The following PLD5 variants were observed in gnomAD, a reference collection of about 807,000 sequenced individuals.
PLD5 encodes the protein phospholipase D family member 5.
Under a neutral mutation model 61.1 loss-of-function variants are expected in PLD5, and 36 were observed. The ratio of observed to expected loss-of-function variants is 0.59; its 90% CI spans 0.45 to 0.78. The LOEUF (loss-of-function observed/expected upper bound fraction) is 0.78. Among genes scored for constraint, PLD5 ranks in the 30% least tolerant of loss-of-function variants. The pLI is 0.00. For missense variants in PLD5, 515 were observed against 644.4 expected (o/e 0.80, Z 2.17); for synonymous variants, 243 against 242.8 (o/e 1.00, Z -0.01).
chr1:242,399,865 G>T (rs911572101), intron 1 of PLD5, among the ~76,000 whole-genome samples: 2 of 151,806 alleles, frequency 1.3e-5, no homozygotes, highest in East Asian at 3.9e-4. Flanking sequence ...GATCTAGGCT[G>T]CGTGCTCCTT....
chr1:242,225,369 G>A (rs1480086231), intron 4 of PLD5, among the ~76,000 whole-genome samples: 1 of 150,648 alleles, frequency 6.6e-6, no homozygotes. Context: ...ATATTTCATG[G>A]TATGGAATGC....
chr1:242,529,823 C>CAG, the PLD5 span, among the ~76,000 whole-genome samples: 5 of 136,584 alleles, frequency 3.7e-5, no homozygotes, highest in Non-Finnish European at 8.0e-5. Context: ...TCCTTCCTTC[C>CAG]TTCTTCTTCT....
At chr1:242,134,043 T>A (rs982573621) in intron 5 of PLD5, among the ~76,000 whole-genome samples, 4 of 152,196 alleles carry the variant, frequency 2.6e-5, no homozygotes, top group African/African-American at 9.7e-5. Context: ...CCAGTTTCAG[T>A]GGGTTGTATT....
At chr1:242,136,225 G>A (rs1663716071) in intron 5 of PLD5, among the ~76,000 whole-genome samples, 1 of 152,300 alleles carries the variant, frequency 6.6e-6, no homozygotes, top group East Asian at 1.9e-4. Context: ...TGTTCACCAT[G>A]TCGCTCAACC....
At chr1:242,458,216 T>C (rs1667002888) in intron 1 of PLD5, among the ~76,000 whole-genome samples, 1 of 152,220 alleles carries the variant, frequency 6.6e-6, no homozygotes, top group Non-Finnish European at 1.5e-5. Flanking sequence ...TCCTCTCAAC[T>C]TGTCTTCAAA....
In PLD5 at chr1:242,239,139, T is replaced by C. The variant is rs148809315; in HGVS notation, c.608-19024A>G. The stretch of plus-strand genomic sequence containing the variant: ...GTCTTGCATTTCTCCCGTTGGGTTA[T>C]AAACTAGAAAATTGGAACTTGTATT... On this transcript the variant is annotated intron_variant, in intron 4 of 9. Coordinates refer to ENST00000536534, the MANE Select transcript of PLD5 (RefSeq NM_001372062.1). 3.5e-3 allele frequency among the ~76,000 whole-genome samples: 532 copies of C among 152,348 alleles called. 1 individual carries two copies. Among genetic ancestry groups the C allele is most frequent in the South Asian group, 0.016 (76 of 4,828 alleles).
At chr1:242,194,576 A>C (rs1278244368) in intron 5 of PLD5, among the ~76,000 whole-genome samples, 1 of 66,572 alleles carries the variant, frequency 1.5e-5, no homozygotes, top group East Asian at 1.0e-3. Flanking sequence ...ATATCTATCT[A>C]TCTATCTATC....
chr1:242,405,671 G>A (rs972952129), intron 1 of PLD5, among the ~76,000 whole-genome samples: 3 of 150,442 alleles, frequency 2.0e-5, no homozygotes, highest in African/African-American at 7.3e-5. Context: ...GCACAATCTC[G>A]CCTCACTGCA....
intron 4 of PLD5, among the ~76,000 whole-genome samples, chr1:242,264,960 C>A (rs537217930): frequency 6.6e-6 from 1 of 152,066 alleles, no homozygotes; most frequent in African/African-American, 2.4e-5. Context: ...AAATATATAG[C>A]GTGAAAAGGA....
At chr1:242,528,165 T>C (rs534798863), upstream of PLD5, among the ~76,000 whole-genome samples, 16 of 152,356 alleles carry the variant, frequency 1.1e-4, no homozygotes, top group South Asian at 3.3e-3. Flanking sequence ...AATTACTAAA[T>C]TGTGACTTTC....
At chr1:242,374,290 C>T (rs369722937) in intron 1 of PLD5, among the ~76,000 whole-genome samples, 296 of 152,256 alleles carry the variant, frequency 1.9e-3, no homozygotes, top group Non-Finnish European at 2.6e-3. Flanking sequence ...AAAAGGAAAA[C>T]GGTAGGCATG....
chr1:242,330,490 C>T (rs910750668), intron 2 of PLD5, among the ~76,000 whole-genome samples: 1 of 152,178 alleles, frequency 6.6e-6, no homozygotes, highest in African/African-American at 2.4e-5. Context: ...CTGTGACTCC[C>T]TAGCACAAGG....
At chr1:242,104,877 C>A (rs1410762041) in intron 8 of PLD5, among the ~76,000 whole-genome samples, 2 of 152,178 alleles carry the variant, frequency 1.3e-5, no homozygotes, top group Non-Finnish European at 2.9e-5. Flanking sequence ...GCCTGGATAA[C>A]TGTATATACT....
intron 2 of PLD5, among the ~76,000 whole-genome samples, chr1:242,292,356 T>C (rs1675417942): frequency 6.6e-6 from 1 of 152,168 alleles, no homozygotes; most frequent in Non-Finnish European, 1.5e-5. Context: ...TTTGCTTTGA[T>C]ATGATATAAA....
At chr1:242,250,176 AT>A (rs1480273386) in intron 4 of PLD5, among the ~76,000 whole-genome samples, 1 of 152,266 alleles carries the variant, frequency 6.6e-6, no homozygotes, top group Non-Finnish European at 1.5e-5. Flanking sequence ...ACTCAGTGTT[AT>A]AAAAATCAAG....
intron 5 of PLD5, among the ~76,000 whole-genome samples, chr1:242,182,567 G>A (rs1336347621): frequency 6.6e-6 from 1 of 152,158 alleles, no homozygotes; most frequent in Admixed American, 6.6e-5. Flanking sequence ...CACTGGCAGG[G>A]CGCAGTGGCT....
chr1:242,289,873 T>C (rs1675257828), intron 2 of PLD5, among the ~76,000 whole-genome samples: 1 of 151,950 alleles, frequency 6.6e-6, no homozygotes, highest in African/African-American at 2.4e-5. Context: ...TTTAGCCAGC[T>C]TTTGAAACAA....
chr1:242,251,517 C>T (rs531626766), intron 4 of PLD5, among the ~76,000 whole-genome samples: 174 of 152,204 alleles, frequency 1.1e-3, no homozygotes, highest in African/African-American at 2.8e-3. Context: ...GGAAGTCCTC[C>T]GGGACTTTGA....
intron 1 of PLD5, among the ~76,000 whole-genome samples, chr1:242,352,669 A>G (rs1187920677): frequency 6.6e-6 from 1 of 152,162 alleles, no homozygotes; most frequent in Non-Finnish European, 1.5e-5. Flanking sequence ...TTCTTCCAAC[A>G]GTGCATAAGT....
Sources: gnomAD v4.1 joint callset for allele counts (sites outside exome capture counted in the v4.1 genomes callset) on GRCh38, gnomAD v4.1.1 for gene constraint, MANE v1.5 for transcripts, NCBI Gene and HGNC (gene_info 2026-07-23, HGNC 2026-07-21) for gene names.